DNAH14: variants seen among roughly 807,000 people sequenced by gnomAD.
The protein encoded by DNAH14 is axonemal beta dynein heavy chain 14.
A neutral mutation model predicts 520.9 loss-of-function variants in DNAH14; 478 were observed. The observed-to-expected ratio is 0.92, with a 90% CI of 0.85 to 0.99. The LOEUF is 0.99. Ranked by LOEUF, DNAH14 falls within the 50% of genes least tolerant of loss-of-function variation. The pLI, the probability that DNAH14 is intolerant of heterozygous loss-of-function variation, is 0.00. For synonymous variants in DNAH14, 1,581 were observed against 1,757.2 expected (o/e 0.90, Z 2.51); for missense variants, 4,831 against 5,234.5 (o/e 0.92, Z 2.38).
intron 27 of DNAH14, among the ~76,000 whole-genome samples, chr1:225,128,865 A>G (rs1256503825): frequency 0.17 from 24,790 of 144,594 alleles, 4,718 homozygotes; most frequent in African/African-American, 0.48. Flanking sequence ...TAGGAAAAGA[A>G]GAAGTCAAAT....
intron 54 of DNAH14, among the ~76,000 whole-genome samples, chr1:225,282,262 C>T (rs1041317592): frequency 1.5e-4 from 23 of 152,168 alleles, no homozygotes; most frequent in African/African-American, 5.3e-4. Flanking sequence ...GAGTTCCAGG[C>T]TTGGGACAGC....
rs554055374 is a variant in DNAH14, at chr1:225,167,850, G to A, written c.5446-89G>A. 1.4e-5 allele frequency: 9 copies of A among 661,378 alleles called. No individual in the cohort carries two copies. The African/African-American group carries it at 1.5e-4, about 11-fold the overall frequency. 41.0% of individuals were successfully genotyped at this position (661,378 alleles called of 1,614,324 possible). On this transcript the variant is annotated intron_variant, in intron 35 of 85. Transcript: ENST00000682510. Reference sequence around the variant, plus strand: ...ATTACTATCTTAAAGAGCGGTAATTGGTACCTAGTTAAGAGAGATTTTGGA... The same window carrying A: ...ATTACTATCTTAAAGAGCGGTAATTAGTACCTAGTTAAGAGAGATTTTGGA...
intron 27 of DNAH14, among the ~76,000 whole-genome samples, chr1:225,134,703 G>A (rs938356078): frequency 2.0e-5 from 3 of 152,004 alleles, no homozygotes; most frequent in African/African-American, 7.2e-5. Context: ...TTGTATCTCT[G>A]CCAGGTTTTG....
Position 225,240,784 on chromosome 1 carries a change from A to C in DNAH14, c.6710A>C (p.Lys2237Thr). The C allele has an allele frequency of 6.5e-7, 1 of 1,550,096 alleles. No individual in the cohort carries two copies. ...SLAKVTYDFD[K>T]LVHELFGNSS... ...GCAAAAGTAACATACGATTTTGACA[A>C]ACTTGTTCATGAATTATTTGGAAAC... Residue 2237 changes from lysine to threonine, a missense_variant, in exon 43 of 86, where the codon AAA becomes ACA. Transcript: ENST00000682510.
intron 64 of DNAH14, among the ~76,000 whole-genome samples, chr1:225,330,899 A>G (rs938806413): frequency 6.6e-6 from 1 of 152,194 alleles, no homozygotes; most frequent in Non-Finnish European, 1.5e-5. Flanking sequence ...CTGTATCAAA[A>G]CATCTCATGT....
chr1:225,095,465 G>A (rs776583257), intron 21 of DNAH14, among the ~76,000 whole-genome samples: 3 of 152,014 alleles, frequency 2.0e-5, no homozygotes, highest in Non-Finnish European at 4.4e-5. Flanking sequence ...ACATGGACAC[G>A]AAGAATGGAA....
intron 38 of DNAH14, among the ~76,000 whole-genome samples, chr1:225,193,489 A>C (rs2085715829): frequency 6.6e-6 from 1 of 152,154 alleles, no homozygotes; most frequent in Non-Finnish European, 1.5e-5. Flanking sequence ...TGGCAGTTCA[A>C]GACCAGCCTG....
chr1:225,080,544 G>A lies in DNAH14; in HGVS notation c.2932G>A (p.Val978Met). ...DSQSHMHSVNVEEITQIVLSE... is the reference protein window; with the variant it reads ...DSQSHMHSVNMEEITQIVLSE... ...TCAATCTCATATGCATTCTGTTAAT[G>A]TGGAAGAAATTACACAGATTGTGCT... Residue 978 changes from valine to methionine, a missense_variant, in exon 19 of 86, where the codon GTG becomes ATG. Physicochemically the swap from Val to Met is conservative, Grantham distance 21 (BLOSUM62 1). Transcript: ENST00000682510. The A allele has an allele frequency of 6.4e-7, 1 of 1,551,902 alleles. No individual in the cohort carries two copies. The highest frequency in any genetic ancestry group is 1.2e-5 in the South Asian group (1 of 84,054).
In DNAH14 at chr1:225,185,359, A is replaced by G. The variant is rs1401311468; in HGVS notation, c.5604A>G (p.Glu1868=). The change falls in exon 37 of 86, where the codon GAA becomes GAG. Residue 1868 remains glutamate, a synonymous_variant. Transcript: ENST00000682510. ...GGKTTVRRIL[E]KALTLLPIAD... is the part of the protein sequence containing the mutation. Reference sequence around the variant, plus strand: ...AGACAACAGTCAGAAGAATTTTGGAAAAAGCATTAACGCTATTACCAATTG... The same window carrying G: ...AGACAACAGTCAGAAGAATTTTGGAGAAAGCATTAACGCTATTACCAATTG... 6.5e-7 allele frequency: 1 copy of G among 1,548,616 alleles called. No individual in the cohort carries two copies. Among genetic ancestry groups the G allele is most frequent in the Non-Finnish European group, 8.7e-7 (1 of 1,145,796 alleles).
intron 44 of DNAH14, among the ~76,000 whole-genome samples, chr1:225,254,859 C>A (rs2092683089): frequency 6.6e-6 from 1 of 152,196 alleles, no homozygotes; most frequent in Non-Finnish European, 1.5e-5. Context: ...TGAGGTATTG[C>A]CTACGCACCC....
chr1:225,399,050 A>AAAG lies in DNAH14; in HGVS notation c.13639-2_13639dup. The stretch of plus-strand genomic sequence containing the variant: ...TGACTACTGGATTTTTTTTTTTTTT[A>AAAG]AAGATTTCTACCAAAACACCAAATG... On this transcript the variant is annotated splice_polypyrimidine_tract_variant and splice_region_variant and intron_variant, in intron 85 of 85. Transcript: ENST00000682510. 1 of 1,398,340 alleles carries AAAG rather than the reference A, an allele frequency of 7.2e-7. No homozygotes were observed. Among genetic ancestry groups the AAAG allele is most frequent in the Non-Finnish European group, 9.6e-7 (1 of 1,040,146 alleles). 86.6% of individuals were successfully genotyped at this position (1,398,340 alleles called of 1,614,324 possible).
At position 225,144,438 on chromosome 1, in the gene DNAH14, A is replaced by G. The variant is rs1213383784; in HGVS notation, c.4550A>G (p.Tyr1517Cys). 9 of 1,551,656 alleles carry G rather than the reference A, an allele frequency of 5.8e-6. No individual in the cohort carries two copies. The East Asian group carries it at 9.8e-5, about 17-fold the overall frequency. The change falls in exon 29 of 86, where the codon TAT (tyrosine) becomes TGT (cysteine). Residue 1517 changes from tyrosine to cysteine, a missense_variant. By Grantham distance (194) the Tyr-to-Cys change is radical. Coordinates refer to ENST00000682510, the MANE Select transcript of DNAH14 (RefSeq NM_001367479.1). The part of the protein sequence containing the change: ...YKWNEKQKLC[Y>C]VSQGNASFTY... ...TGGAATGAAAAACAAAAGTTGTGCT[A>G]TGTGTCTCAAGGAAATGCCAGCTTT... is the stretch of plus-strand genomic sequence containing the variant.
At chr1:224,936,567 G>A (rs2059053393) in intron 1 of DNAH14, among the ~76,000 whole-genome samples, 1 of 151,874 alleles carries the variant, frequency 6.6e-6, no homozygotes, top group African/African-American at 2.4e-5. Context: ...CAAGTTCAAA[G>A]CTGTAATAAA....
At chr1:225,040,612 G>A (rs1171332854) in intron 12 of DNAH14, among the ~76,000 whole-genome samples, 1 of 152,126 alleles carries the variant, frequency 6.6e-6, no homozygotes, top group Non-Finnish European at 1.5e-5. Flanking sequence ...ACTGTTGATA[G>A]ACATCTGGGT....
At chr1:225,259,366 C>G (rs1357590807) in intron 46 of DNAH14, 113 bp downstream of exon 46, 1 of 763,526 alleles carries the variant, frequency 1.3e-6, no homozygotes, top group East Asian at 3.4e-5. Context: ...AATGCAGAAT[C>G]ATTCAAAAGA....
chr1:224,940,574 G>A (rs1015185915), intron 1 of DNAH14, among the ~76,000 whole-genome samples: 3 of 151,912 alleles, frequency 2.0e-5, no homozygotes, highest in African/African-American at 7.3e-5. Flanking sequence ...ACAATGTGCA[G>A]GTTAGTTACA....
At chr1:225,034,253 A>C (rs2066763773) in intron 11 of DNAH14, among the ~76,000 whole-genome samples, 1 of 152,082 alleles carries the variant, frequency 6.6e-6, no homozygotes, top group Non-Finnish European at 1.5e-5. Context: ...TGGTTTATTG[A>C]GAGTTTTTAA....
intron 3 of DNAH14, among the ~76,000 whole-genome samples, chr1:224,957,249 G>A (rs2060574674): frequency 6.6e-6 from 1 of 151,990 alleles, no homozygotes; most frequent in Admixed American, 6.6e-5. Flanking sequence ...ATAATGAATA[G>A]TGGTCCCATT....
rs71170080 is a variant in DNAH14, at chr1:225,374,145, C to CTATATATATATATATATATATA, written c.12319-526_12319-505dup. Among the ~76,000 whole-genome samples the CTATATATATATATATATATATA allele has an allele frequency of 2.5e-3, 81 of 33,008 alleles. 5 individuals are homozygous for CTATATATATATATATATATATA. Among genetic ancestry groups the CTATATATATATATATATATATA allele is most frequent in the East Asian group, 4.9e-3 (1 of 206 alleles). The allele number at this position is 33,008 out of a possible 152,430, so 21.7% of individuals were successfully genotyped here. ...TGTATGTCCCAATATTTGTGTCTTA[C>CTATATATATATATATATATATA]TATATATATATATATATATATATAT... On this transcript the variant is annotated intron_variant, in intron 77 of 85. Transcript: ENST00000682510.
Sources: allele counts gnomAD v4.1 joint callset (sites outside exome capture counted in the v4.1 genomes callset), GRCh38; gene constraint gnomAD v4.1.1; transcripts MANE v1.5; gene names NCBI Gene and HGNC (gene_info 2026-07-23, HGNC 2026-07-21).